HCN1: variants seen among roughly 807,000 people sequenced by gnomAD.
The protein encoded by HCN1 is hyperpolarization activated cyclic nucleotide gated potassium channel 1, also known as potassium/sodium hyperpolarization-activated cyclic nucleotide-gated channel 1.
HCN1 carries 13 observed loss-of-function variants against 78.9 expected under a neutral mutation model. The ratio of observed to expected loss-of-function variants is 0.16; its 90% CI spans 0.11 to 0.26. The LOEUF (loss-of-function observed/expected upper bound fraction) is 0.26, where lower values mean the gene tolerates loss of function less well. HCN1 is among the 10% of genes least tolerant of loss of function. HCN1 has a pLI of 1.00. For synonymous variants in HCN1, 552 were observed against 455.5 expected (o/e 1.21, Z -2.70); for missense variants, 810 against 1,154.3 (o/e 0.70, Z 4.32).
intron 2 of HCN1, among the ~76,000 whole-genome samples, chr5:45,561,990 A>T (rs990441594): frequency 2.0e-5 from 3 of 152,198 alleles, no homozygotes; most frequent in African/African-American, 7.2e-5. Context: ...AACTGTAATC[A>T]TAAGTATAGT....
intron 5 of HCN1, among the ~76,000 whole-genome samples, chr5:45,313,422 C>G (rs1289042271): frequency 6.6e-6 from 1 of 152,148 alleles, no homozygotes. Context: ...GGGAAAAAAA[C>G]AGAGCAGAAA....
chr5:45,525,515 G>A (rs1037635059), intron 2 of HCN1, among the ~76,000 whole-genome samples: 43 of 151,294 alleles, frequency 2.8e-4, no homozygotes, highest in Middle Eastern at 3.4e-3. Context: ...AATATATTCC[G>A]TCTGTACAAA....
At chr5:45,549,190 T>A (rs1206124259) in intron 2 of HCN1, among the ~76,000 whole-genome samples, 2 of 152,106 alleles carry the variant, frequency 1.3e-5, no homozygotes, top group African/African-American at 4.8e-5. Flanking sequence ...CATTGCCATG[T>A]CAATCCTAAG....
chr5:45,658,030 G>A (rs934027444), intron 1 of HCN1, among the ~76,000 whole-genome samples: 1 of 152,170 alleles, frequency 6.6e-6, no homozygotes, highest in Non-Finnish European at 1.5e-5. Flanking sequence ...CATGGTACTG[G>A]TACCAAAACA....
intron 1 of HCN1, among the ~76,000 whole-genome samples, chr5:45,669,119 TAA>T (rs1429726271): frequency 6.6e-6 from 1 of 151,870 alleles, no homozygotes; most frequent in South Asian, 2.1e-4. Flanking sequence ...TACTCAAATC[TAA>T]AAGTTTTAGT....
At position 45,500,370 on chromosome 5, in the gene HCN1, T is replaced by C. The variant is rs149891334; in HGVS notation, c.850-38363A>G. ...ATTTGGAATAATTTTCCAAGATTTT[T>C]CAAACTAAGTTGAAATTACAAAATA... On this transcript the variant is annotated intron_variant, in intron 2 of 7. Transcript: ENST00000303230. Among the ~76,000 whole-genome samples, 762 of 152,248 alleles carry C rather than the reference T, an allele frequency of 5.0e-3. 4 individuals are homozygous for C. Among genetic ancestry groups the C allele is most frequent in the African/African-American group, 0.017 (727 of 41,550 alleles).
At chr5:45,372,339 T>A (rs1482573492) in intron 4 of HCN1, among the ~76,000 whole-genome samples, 5 of 103,496 alleles carry the variant, frequency 4.8e-5, no homozygotes, top group Non-Finnish European at 8.6e-5. Flanking sequence ...ATAATATATA[T>A]CATATATATT....
intron 1 of HCN1, among the ~76,000 whole-genome samples, chr5:45,685,605 G>A (rs868391278): frequency 2.0e-4 from 31 of 152,260 alleles, no homozygotes; most frequent in African/African-American, 6.7e-4. Flanking sequence ...CCAGCTACTT[G>A]GGAGGCTGAG....
chr5:45,629,072 A>G (rs1745225058), intron 2 of HCN1, among the ~76,000 whole-genome samples: 1 of 152,068 alleles, frequency 6.6e-6, no homozygotes. Flanking sequence ...ATATCCAACA[A>G]AGTAGACATC....
At position 45,675,190 on chromosome 5, in the gene HCN1, A is replaced by G. The variant is rs1464183074; in HGVS notation, c.425+20479T>C. Among the ~76,000 whole-genome samples, 4 of 151,712 alleles carry G rather than the reference A, an allele frequency of 2.6e-5. No homozygotes were observed. In the South Asian group the frequency reaches 6.2e-4, roughly 24 times the overall value. On this transcript the variant is annotated intron_variant, in intron 1 of 7. Coordinates refer to ENST00000303230, the MANE Select transcript of HCN1 (RefSeq NM_021072.4). ...AGATAATGTGTAGAACCCATCTTAT[A>G]TCGAGTCTGATAGTAGCTTGGCCCC...
rs140149046 is a variant in HCN1 at position 45,562,290 on chromosome 5, G to T, written c.849+82895C>A. 2.0e-3 allele frequency among the ~76,000 whole-genome samples: 310 copies of T among 152,268 alleles called. 2 individuals are homozygous for T. Among genetic ancestry groups the T allele is most frequent in the African/African-American group, 7.1e-3 (297 of 41,552 alleles). On this transcript the variant is annotated intron_variant, in intron 2 of 7. Transcript: ENST00000303230. ...TGTCATACCTTCCCAATTTACCAAA[G>T]TGTGTTTTCCTAACATCTTTCTCTT...
rs747975797 is a variant in HCN1, at chr5:45,695,870, TCGCCGCCGCCGC to T, written c.212_223del (p.Gly71_Gly74del). The T allele has an allele frequency of 1.1e-5, 17 of 1,563,440 alleles. No individual in the cohort carries two copies. The highest frequency in any genetic ancestry group is 1.5e-5 in the Non-Finnish European group (17 of 1,161,664). ...GTCTTCGAAGCCCCCCGCCGGCTCC[TCGCCGCCGCCGC>T]CGCCGCCGCCACCGCCGCCACCGCC... is the stretch of plus-strand genomic sequence containing the variant. On this transcript the variant is annotated inframe_deletion, in exon 1 of 8. Coordinates refer to ENST00000303230, the MANE Select transcript of HCN1 (RefSeq NM_021072.4).
chr5:45,403,975 A>T (rs145060965), intron 3 of HCN1, among the ~76,000 whole-genome samples: 1 of 152,180 alleles, frequency 6.6e-6, no homozygotes, highest in Non-Finnish European at 1.5e-5. Flanking sequence ...TCTAAGGACC[A>T]CAGTATTATT....
At chr5:45,334,040 G>C (rs1300826920) in intron 5 of HCN1, among the ~76,000 whole-genome samples, 1 of 151,546 alleles carries the variant, frequency 6.6e-6, no homozygotes, top group East Asian at 1.9e-4. Context: ...TTTAGTTTGA[G>C]TTCTATTACT....
At chr5:45,510,430 A>C (rs180684263) in intron 2 of HCN1, among the ~76,000 whole-genome samples, 1 of 152,214 alleles carries the variant, frequency 6.6e-6, no homozygotes, top group East Asian at 1.9e-4. Context: ...GTTCATTTTC[A>C]AATTCCCTCC....
At chr5:45,369,978 A>C (rs889074524) in intron 4 of HCN1, among the ~76,000 whole-genome samples, 3 of 152,166 alleles carry the variant, frequency 2.0e-5, no homozygotes, top group African/African-American at 7.2e-5. Flanking sequence ...ACTGTGCTAT[A>C]AGACCTGATG....
chr5:45,540,779 A>G (rs1343274705), intron 2 of HCN1, among the ~76,000 whole-genome samples: 1 of 152,176 alleles, frequency 6.6e-6, no homozygotes, highest in Non-Finnish European at 1.5e-5. Flanking sequence ...CAAACTCTAC[A>G]TATCATAATT....
At chr5:45,342,261 T>C (rs1453481926) in intron 5 of HCN1, among the ~76,000 whole-genome samples, 1 of 150,784 alleles carries the variant, frequency 6.6e-6, no homozygotes, top group East Asian at 2.0e-4. Flanking sequence ...TGAGATGGAG[T>C]TTTGCTCTGT....
chr5:45,558,234 C>T (rs573639790), intron 2 of HCN1: 6 of 151,886 alleles, frequency 4.0e-5, no homozygotes, highest in African/African-American at 1.2e-4. Context: ...CATGATGTTC[C>T]CTGAGCCAAA....
Sources: allele counts gnomAD v4.1 joint callset (sites outside exome capture counted in the v4.1 genomes callset), GRCh38; gene constraint gnomAD v4.1.1; transcripts MANE v1.5; gene names NCBI Gene and HGNC (gene_info 2026-07-23, HGNC 2026-07-21).